SQLE: variants seen among roughly 807,000 people sequenced by gnomAD.
SQLE encodes the protein squalene epoxidase.
Under a neutral mutation model 60.7 loss-of-function variants are expected in SQLE, and 29 were observed. That is an observed-to-expected ratio of 0.48 (90% CI 0.36 to 0.65). The LOEUF is 0.65. SQLE is among the 30% of genes least tolerant of loss of function. The pLI is 0.00. For synonymous variants in SQLE, 237 were observed against 246.8 expected (o/e 0.96, Z 0.37); for missense variants, 605 against 684.1 (o/e 0.88, Z 1.29).
chr8:125,019,167 A>G (rs1815160242), intron 9 of SQLE: 1 of 165,998 alleles, frequency 6.0e-6, no homozygotes, highest in Non-Finnish European at 1.3e-5. Context: ...ACAAGTAACA[A>G]TGCATTCACC....
In SQLE at chr8:125,011,633, GTAT is replaced by G. The variant is rs1220585014; in HGVS notation, c.1204+6_1204+8del. On this transcript the variant is annotated splice_donor_variant and splice_donor_region_variant and intron_variant, in intron 7 of 10. Transcript: ENST00000265896. LOFTEE classifies it high-confidence loss of function. Reference sequence around the variant, plus strand: ...CCTCCTTCATCAGTGAAGAAACGAGGTATTATTTTTTGGGCTTATTTTATAAAG... The same window carrying G: ...CCTCCTTCATCAGTGAAGAAACGAGGTATTTTTTGGGCTTATTTTATAAAG... 1.3e-6 allele frequency: 2 copies of G among 1,565,058 alleles called. No individual in the cohort carries two copies. The highest frequency in any genetic ancestry group is 1.2e-5 in the South Asian group (1 of 84,842).
intron 6 of SQLE, among the ~76,000 whole-genome samples, chr8:125,010,297 A>G (rs1411126017): frequency 6.6e-6 from 1 of 152,210 alleles, no homozygotes; most frequent in East Asian, 1.9e-4. Flanking sequence ...CTTTGTAAAA[A>G]CATTAATAAA....
At position 125,004,700 on chromosome 8, in the gene SQLE, T is replaced by C. The variant is rs149510097; in HGVS notation, c.545-825T>C. 1.8e-3 allele frequency among the ~76,000 whole-genome samples: 277 copies of C among 152,186 alleles called. 1 individual carries two copies. Among genetic ancestry groups the C allele is most frequent in the African/African-American group, 6.1e-3 (253 of 41,574 alleles). ...TTTCCAGTGGTTTTTAATGAGTAAA[T>C]TTTATTATATATACATGTATTAATC... On this transcript the variant is annotated intron_variant, in intron 2 of 10. Transcript: ENST00000265896.
intron 9 of SQLE, among the ~76,000 whole-genome samples, chr8:125,020,139 A>G (rs746093535): frequency 6.6e-6 from 1 of 152,220 alleles, no homozygotes; most frequent in Non-Finnish European, 1.5e-5. Flanking sequence ...AACATTTTTT[A>G]AAAGTTACAA....
Position 124,998,763 on chromosome 8 carries a change from C to A in SQLE, c.-641C>A, listed in dbSNP as rs372146640. On this transcript the variant is annotated 5_prime_UTR_variant, in exon 1 of 11. Coordinates refer to ENST00000265896, the MANE Select transcript of SQLE (RefSeq NM_003129.4). ...GGTTGGGGCTGCATTGCCCTGGAGC[C>A]GCACTCTTGAGTCCGAGGCCATCTT... 1 of 517,602 alleles carries A rather than the reference C, an allele frequency of 1.9e-6. No homozygotes were observed. The highest frequency in any genetic ancestry group is 3.4e-6 in the Non-Finnish European group (1 of 290,150). 32.1% of individuals were successfully genotyped at this position (517,602 alleles called of 1,614,324 possible). A position where few individuals can be genotyped will look rare whatever the true frequency, so the allele number is the denominator to read the frequency against.
intron 9 of SQLE, 52 bp from the exon 10 acceptor site, chr8:125,020,732 C>A: frequency 9.0e-7 from 1 of 1,111,964 alleles, no homozygotes; most frequent in Non-Finnish European, 1.4e-6. Flanking sequence ...ATATCATTAG[C>A]ATCCTACATA....
intron 7 of SQLE, among the ~76,000 whole-genome samples, chr8:125,013,356 C>CTTT (rs1554588049): frequency 2.1e-4 from 29 of 136,432 alleles, no homozygotes; most frequent in African/African-American, 8.2e-4. Context: ...TTTTCTTTTT[C>CTTT]TTTTTTTTTT....
intron 1 of SQLE, among the ~76,000 whole-genome samples, chr8:125,001,647 G>A (rs1814856364): frequency 6.7e-6 from 1 of 150,308 alleles, no homozygotes; most frequent in South Asian, 2.1e-4. Context: ...ATAGTAAAAG[G>A]ACAGAAAAGT....
intron 6 of SQLE, 155 bp from the exon 7 acceptor site, chr8:125,011,382 T>C (rs1264364593): frequency 2.0e-6 from 1 of 503,114 alleles, no homozygotes; most frequent in African/African-American, 2.0e-5. Context: ...ATTTTATTAA[T>C]GAAATAATTA....
At chr8:125,003,477 TCTTCA>T (rs780971832) in intron 2 of SQLE, 49 bp downstream of exon 2, 1 of 1,588,406 alleles carries the variant, frequency 6.3e-7, no homozygotes, top group African/African-American at 1.3e-5. Flanking sequence ...GAACAAGCAC[TCTTCA>T]CTTAGACCAT....
chr8:125,016,806 A>G lies in SQLE; in HGVS notation c.1205-1253A>G, dbSNP rs908637334. Among the ~76,000 whole-genome samples the G allele has an allele frequency of 6.6e-6, 1 of 152,198 alleles. No homozygotes were observed. The highest frequency in any genetic ancestry group is 1.5e-5 in the Non-Finnish European group (1 of 68,034). ...AGTGTTGTGATCTAAGTCTTTGGTC[A>G]TAGCAGCCGTATCTGTATTAAGGGG... On this transcript the variant is annotated intron_variant, in intron 7 of 10. Coordinates refer to ENST00000265896, the MANE Select transcript of SQLE (RefSeq NM_003129.4). The surrounding 1 kb of genome is among the most constrained non-coding windows in gnomAD (Gnocchi z 4.1).
chr8:125,021,715 TTC>T (rs755665844), intron 10 of SQLE, 36 bp from the exon 11 acceptor site: 15 of 1,462,610 alleles, frequency 1.0e-5, no homozygotes, highest in African/African-American at 4.2e-5. Context: ...AAATTTTAGT[TTC>T]TGAGTCTTAC....
chr8:124,999,874 T>G (rs1206692143), intron 1 of SQLE, 180 bp downstream of exon 1: 1 of 814,564 alleles, frequency 1.2e-6, no homozygotes, highest in African/African-American at 1.7e-5. Flanking sequence ...TTCTTAAGAA[T>G]GAGTGAAGAC....
chr8:125,007,285 A>C, intron 3 of SQLE, 106 bp from the exon 4 acceptor site: 105 of 631,970 alleles, frequency 1.7e-4, no homozygotes, highest in Middle Eastern at 9.1e-4. Flanking sequence ...GTTTGCACAC[A>C]CATGCATGTC....
intron 3 of SQLE, among the ~76,000 whole-genome samples, chr8:125,005,949 T>A (rs1814939718): frequency 6.6e-6 from 1 of 152,212 alleles, no homozygotes; most frequent in Non-Finnish European, 1.5e-5. Context: ...AAATGAAAAT[T>A]ACATAATTTT....
At chr8:125,003,956 TC>T (rs1288260518) in intron 2 of SQLE, among the ~76,000 whole-genome samples, 9 of 152,188 alleles carry the variant, frequency 5.9e-5, no homozygotes, top group Admixed American at 3.3e-4. Flanking sequence ...TGTCTTTTTT[TC>T]CAAGGGCACT....
chr8:124,998,550 T>G lies in SQLE; in HGVS notation c.-854T>G, dbSNP rs771220352. 147 of 678,572 alleles carry G rather than the reference T, an allele frequency of 2.2e-4. 3 individuals carry two copies. The Middle Eastern group carries it at 4.0e-3, about 18-fold the overall frequency. The allele number at this position is 678,572 out of a possible 1,614,324, so 42.0% of individuals were successfully genotyped here. A position where few individuals can be genotyped will look rare whatever the true frequency, so the allele number is the denominator to read the frequency against. ...GCGAGTGGGGGCGTGCGACGGTTAC[T>G]CTGGTTACTGGGGCCGCGCCGCGCT... is the stretch of plus-strand genomic sequence containing the variant. On this transcript the variant is annotated 5_prime_UTR_variant, in exon 1 of 11. Transcript: ENST00000265896.
intron 6 of SQLE, among the ~76,000 whole-genome samples, chr8:125,009,932 C>T (rs1332936861): frequency 6.6e-6 from 1 of 152,140 alleles, no homozygotes; most frequent in East Asian, 1.9e-4. Context: ...ATCTCTTATA[C>T]CTAAATATTT....
chr8:124,999,346 A>G lies in SQLE; in HGVS notation c.-58A>G. Reference sequence around the variant, plus strand: ...TACCTCATTTTGGGGAGAACCTTAAACCCACTCGAGCAGATAATCTCCGCC... The same window carrying G: ...TACCTCATTTTGGGGAGAACCTTAAGCCCACTCGAGCAGATAATCTCCGCC... On this transcript the variant is annotated 5_prime_UTR_variant, in exon 1 of 11. Coordinates refer to ENST00000265896, the MANE Select transcript of SQLE (RefSeq NM_003129.4). 2 of 1,458,060 alleles carry G rather than the reference A, an allele frequency of 1.4e-6. No homozygotes were observed. The highest frequency in any genetic ancestry group is 1.8e-6 in the Non-Finnish European group (2 of 1,105,690). The allele number at this position is 1,458,060 out of a possible 1,614,324, so 90.3% of individuals were successfully genotyped here. A position where few individuals can be genotyped will look rare whatever the true frequency, so the allele number is the denominator to read the frequency against.
Sources: allele counts gnomAD v4.1 joint callset (sites outside exome capture counted in the v4.1 genomes callset), GRCh38; gene constraint gnomAD v4.1.1; non-coding constraint Gnocchi (gnomAD v3.1); transcripts MANE v1.5; gene names NCBI Gene and HGNC (gene_info 2026-07-23, HGNC 2026-07-21).